NRXN1: variants seen among roughly 807,000 people sequenced by gnomAD.
The protein encoded by NRXN1 is neurexin 1, also known as neurexin-1.
NRXN1 carries 39 observed loss-of-function variants against 150.9 expected under a neutral mutation model. The ratio of observed to expected loss-of-function variants is 0.26; its 90% CI spans 0.20 to 0.34. The LOEUF is 0.34. Ranked by LOEUF, NRXN1 falls within the 10% of genes least tolerant of loss-of-function variation. NRXN1 has a pLI of 1.00. For synonymous variants in NRXN1, 924 were observed against 757.0 expected, an observed-to-expected ratio of 1.22 and a Z score of -3.62; for missense variants, 1,815 against 1,949.9, an observed-to-expected ratio of 0.93 and a Z score of 1.30.
At chr2:50,251,117 T>C (rs1028129080) in intron 17 of NRXN1, among the ~76,000 whole-genome samples, 1 of 151,848 alleles carries the variant, frequency 6.6e-6, no homozygotes, top group African/African-American at 2.4e-5. Flanking sequence ...AATAGATGCA[T>C]CTATTAGCCC....
intron 18 of NRXN1, among the ~76,000 whole-genome samples, chr2:50,130,955 T>A (rs960870064): frequency 2.0e-5 from 3 of 152,194 alleles, no homozygotes; most frequent in African/African-American, 7.2e-5. Flanking sequence ...ACCAAAAATA[T>A]TTTTGCATGA....
In NRXN1 at chr2:50,053,323, G is replaced by T; in HGVS notation, c.4076C>A (p.Ala1359Asp). The T allele has an allele frequency of 6.2e-7, 1 of 1,614,022 alleles. No homozygotes were observed. The highest frequency in any genetic ancestry group is 8.5e-7 in the Non-Finnish European group (1 of 1,179,914). The change falls in exon 21 of 23, where the codon GCT becomes GAT. Residue 1359 changes from alanine (A) to aspartate (D), a missense_variant. Around this residue, in one of 6 missense-constraint regions of NRXN1, gnomAD observed 265 missense variants for 307.1 expected, o/e 0.86. Coordinates refer to ENST00000401669, the MANE Select transcript of NRXN1 (RefSeq NM_001330078.2). ...TSIMETTTTL[A>D]TSTARRGKPP... is the part of the protein sequence containing the mutation. ...CTTTCCTCTTCTGGCTGTGCTAGTA[G>T]CCAGGGTCGTGGTAGTCTCCATAAT... is the stretch of plus-strand genomic sequence containing the variant.
At position 50,490,920 on chromosome 2, in the gene NRXN1, G is replaced by C. The variant is rs576811250; in HGVS notation, c.3070+4985C>G. Among the ~76,000 whole-genome samples the C allele has an allele frequency of 3.3e-5, 5 of 152,038 alleles. No individual in the cohort carries two copies. The East Asian group carries it at 9.7e-4, about 29-fold the overall frequency. On this transcript the variant is annotated intron_variant, in intron 15 of 22. Transcript: ENST00000401669. ...TTAAAATAATCTACAAATGGAAATA[G>C]TGTTAATAAATCTCTTTCCCTTATA...
intron 2 of NRXN1, among the ~76,000 whole-genome samples, chr2:50,972,981 G>C (rs1463756110): frequency 6.6e-6 from 1 of 152,210 alleles, no homozygotes; most frequent in Non-Finnish European, 1.5e-5. Flanking sequence ...CAGTGGCCCT[G>C]TCCTTTGGAT....
At chr2:50,071,649 T>G (rs1002395435) in intron 19 of NRXN1, among the ~76,000 whole-genome samples, 1 of 152,216 alleles carries the variant, frequency 6.6e-6, no homozygotes, top group Non-Finnish European at 1.5e-5. Context: ...GAGAATAAAT[T>G]TCTCTCATTT....
At chr2:50,961,217 A>G (rs762339607) in intron 2 of NRXN1, among the ~76,000 whole-genome samples, 2 of 151,924 alleles carry the variant, frequency 1.3e-5, no homozygotes, top group East Asian at 1.9e-4. Context: ...GCCCATTTAC[A>G]CATAAGTACA....
chr2:49,959,548 T>A (rs1244234976), intron 21 of NRXN1, among the ~76,000 whole-genome samples: 1 of 152,216 alleles, frequency 6.6e-6, no homozygotes, highest in Non-Finnish European at 1.5e-5. Flanking sequence ...TTTCCAGTGA[T>A]CTGCTGCATG....
intron 21 of NRXN1, among the ~76,000 whole-genome samples, chr2:50,025,071 G>A (rs1286211133): frequency 3.9e-5 from 6 of 152,114 alleles, no homozygotes; most frequent in African/African-American, 7.2e-5. Context: ...GAAGAGATAC[G>A]CAATAGCTGA....
intron 5 of NRXN1, among the ~76,000 whole-genome samples, chr2:50,768,466 GA>G (rs769166697): frequency 4.1e-4 from 62 of 150,990 alleles, no homozygotes; most frequent in Non-Finnish European, 7.4e-4. Context: ...GCACCCTGAT[GA>G]TTTTTTTTTT....
chr2:50,515,503 A>G (rs1156978106), intron 12 of NRXN1, among the ~76,000 whole-genome samples: 1 of 151,966 alleles, frequency 6.6e-6, no homozygotes, highest in Non-Finnish European at 1.5e-5. Flanking sequence ...AATGACACAA[A>G]TCAATTGCAA....
intron 5 of NRXN1, among the ~76,000 whole-genome samples, chr2:50,653,294 G>A (rs763898945): frequency 6.6e-6 from 1 of 152,054 alleles, no homozygotes; most frequent in Non-Finnish European, 1.5e-5. Flanking sequence ...CACATGTGCA[G>A]TCTATATTCA....
chr2:50,964,025 T>A (rs1558500191), intron 2 of NRXN1: 1 of 433,824 alleles, frequency 2.3e-6, no homozygotes, highest in Non-Finnish European at 4.6e-6. Context: ...CAGCATTTAA[T>A]TTTTTGCCTA....
intron 5 of NRXN1, among the ~76,000 whole-genome samples, chr2:50,674,257 C>T (rs889745991): frequency 6.6e-6 from 1 of 152,010 alleles, no homozygotes; most frequent in Non-Finnish European, 1.5e-5. Context: ...CGTTAGATAA[C>T]AGAGCCTAAA....
At chr2:50,977,930 TAAAAC>T in intron 2 of NRXN1, among the ~76,000 whole-genome samples, 1 of 151,778 alleles carries the variant, frequency 6.6e-6, no homozygotes, top group Non-Finnish European at 1.5e-5. Flanking sequence ...AAACAACAAA[TAAAAC>T]ATCTAAGAAA....
In NRXN1 at chr2:50,299,089, C is replaced by G. The variant is rs116771158; in HGVS notation, c.3365-62119G>C. Among the ~76,000 whole-genome samples the G allele has an allele frequency of 7.6e-3, 1,163 of 152,188 alleles. 13 individuals are homozygous for G. The highest frequency in any genetic ancestry group is 0.026 in the African/African-American group (1,090 of 41,524). On this transcript the variant is annotated intron_variant, in intron 17 of 22. Coordinates refer to ENST00000401669, the MANE Select transcript of NRXN1 (RefSeq NM_001330078.2). ...ACTTTGGGGAATTGGGCTACATAAT[C>G]ATGTAGACCCTTTCAGGAAATGGCT...
chr2:50,203,754 G>A lies in NRXN1; in HGVS notation c.3546+33035C>T, dbSNP rs569326918. ...GTTATATTACATGCATTATATTTTC[G>A]AAATGGCATTTCAAAGAAATAGCTA... On this transcript the variant is annotated intron_variant, in intron 18 of 22. Coordinates refer to ENST00000401669, the MANE Select transcript of NRXN1 (RefSeq NM_001330078.2). Among the ~76,000 whole-genome samples the A allele has an allele frequency of 7.2e-5, 11 of 152,116 alleles. 1 individual carries two copies. Among genetic ancestry groups the A allele is most frequent in the South Asian group, 4.1e-4 (2 of 4,826 alleles).
At chr2:50,036,904 A>C (rs556513337) in intron 21 of NRXN1, among the ~76,000 whole-genome samples, 1 of 152,296 alleles carries the variant, frequency 6.6e-6, no homozygotes, top group East Asian at 1.9e-4. Context: ...GAACTAGTCC[A>C]GTTGAGATCA....
intron 18 of NRXN1, among the ~76,000 whole-genome samples, chr2:50,187,716 T>C (rs1049206540): frequency 6.6e-6 from 1 of 152,128 alleles, no homozygotes; most frequent in Non-Finnish European, 1.5e-5. Context: ...TGATTCTTCT[T>C]ATCCATGAGC....
At position 50,098,830 on chromosome 2, in the gene NRXN1, G is replaced by GTTTTTTTTTTTTTTTTTTTTTTTTTT. The variant is rs746736925; in HGVS notation, c.3547-7362_3547-7337dup. Reference sequence around the variant, plus strand: ...GTGCATGGTTTTGTTTTTGGTTTTAGTTTTTTTTTTTTTTTTTTTTTTTTT... The same window carrying GTTTTTTTTTTTTTTTTTTTTTTTTTT: ...GTGCATGGTTTTGTTTTTGGTTTTAGTTTTTTTTTTTTTTTTTTTTTTTTTTTTTTTTTTTTTTTTTTTTTTTTTTT... On this transcript the variant is annotated intron_variant, in intron 18 of 22. Transcript: ENST00000401669. Among the ~76,000 whole-genome samples the GTTTTTTTTTTTTTTTTTTTTTTTTTT allele has an allele frequency of 6.6e-5, 7 of 105,564 alleles. 1 individual carries two copies. Among genetic ancestry groups the GTTTTTTTTTTTTTTTTTTTTTTTTTT allele is most frequent in the Admixed American group, 3.3e-4 (3 of 8,976 alleles). 69.3% of individuals were successfully genotyped at this position (105,564 alleles called of 152,430 possible).
Sources: allele counts gnomAD v4.1 joint callset (sites outside exome capture counted in the v4.1 genomes callset), GRCh38; gene constraint gnomAD v4.1.1; regional missense constraint gnomAD v4.1.1; transcripts MANE v1.5; gene names NCBI Gene and HGNC (gene_info 2026-07-23, HGNC 2026-07-21).